Variants in RTN4RL1 observed in about 807,000 individuals in gnomAD.
RTN4RL1 encodes reticulon 4 receptor like 1.
In RTN4RL1, 7 loss-of-function variants were observed where a neutral mutation model predicts 25.6. The ratio of observed to expected loss-of-function variants is 0.27; its 90% CI spans 0.16 to 0.51. RTN4RL1 has a LOEUF of 0.51. Ranked by LOEUF, RTN4RL1 falls within the 20% of genes least tolerant of loss-of-function variation. RTN4RL1 has a pLI of 0.97. For synonymous variants in RTN4RL1, 297 were observed against 288.2 expected (o/e 1.03, Z -0.31); for missense variants, 500 against 615.6 (o/e 0.81, Z 1.99).
intron 1 of RTN4RL1, among the ~76,000 whole-genome samples, chr17:1,983,407 A>C (rs148698466): frequency 2.0e-5 from 3 of 152,316 alleles, no homozygotes; most frequent in African/African-American, 7.2e-5. Flanking sequence ...GCCAATTGAC[A>C]GTGATACTAA....
intron 1 of RTN4RL1, among the ~76,000 whole-genome samples, chr17:1,947,815 G>A (rs553214035): frequency 3.9e-5 from 6 of 152,352 alleles, no homozygotes; most frequent in Admixed American, 1.3e-4. Flanking sequence ...TACTGCCCAG[G>A]CTTGAGACCG....
intron 1 of RTN4RL1, among the ~76,000 whole-genome samples, chr17:1,990,980 T>G (rs1401684199): frequency 6.6e-6 from 1 of 152,100 alleles, no homozygotes; most frequent in Non-Finnish European, 1.5e-5. Context: ...AATGAGAGCA[T>G]CCAGGGAACG....
In RTN4RL1 at chr17:1,937,408, G is replaced by A. The variant is rs931560176; in HGVS notation, c.414C>T (p.Ser138=). Residue 138 remains serine (S), a synonymous_variant, in exon 2 of 2, where the codon AGC becomes AGT. Coordinates refer to ENST00000331238, the MANE Select transcript of RTN4RL1 (RefSeq NM_178568.4). ...HALYLYKCGL[S]ALPAGVFGGL... is the part of the protein sequence containing the mutation. ...CGCCAAAGACGCCGGCCGGCAAGGC[G>A]CTGAGCCCACACTTGTAGAGGTAGA... 4 of 1,613,614 alleles carry A rather than the reference G, an allele frequency of 2.5e-6. No homozygotes were observed. The highest frequency in any genetic ancestry group is 3.4e-6 in the Non-Finnish European group (4 of 1,179,880).
At chr17:1,984,980 A>T (rs1169549745) in intron 1 of RTN4RL1, among the ~76,000 whole-genome samples, 1 of 152,036 alleles carries the variant, frequency 6.6e-6, no homozygotes, top group African/African-American at 2.4e-5. Flanking sequence ...AAAAAAAAAG[A>T]AAAAAGAAAA....
At chr17:2,016,150 T>G (rs2067119845) in intron 1 of RTN4RL1, among the ~76,000 whole-genome samples, 1 of 151,814 alleles carries the variant, frequency 6.6e-6, no homozygotes, top group Admixed American at 6.6e-5. Context: ...GGAGGCCGAG[T>G]TGGGAGGATC....
chr17:1,991,578 T>C (rs1349634044), intron 1 of RTN4RL1, among the ~76,000 whole-genome samples: 1 of 152,030 alleles, frequency 6.6e-6, no homozygotes, highest in Non-Finnish European at 1.5e-5. Context: ...CTGTTAACAG[T>C]TTCTTTTGTG....
intron 1 of RTN4RL1, among the ~76,000 whole-genome samples, chr17:1,958,028 A>T (rs1405073107): frequency 6.6e-6 from 1 of 151,648 alleles, no homozygotes; most frequent in Non-Finnish European, 1.5e-5. Context: ...CTAAAAAAAT[A>T]AAAAATAAAA....
At chr17:1,958,314 G>A (rs2097903594) in intron 1 of RTN4RL1, among the ~76,000 whole-genome samples, 1 of 152,212 alleles carries the variant, frequency 6.6e-6, no homozygotes, top group South Asian at 2.1e-4. Context: ...AGAGGCCGCT[G>A]CTGCACAGAG....
In RTN4RL1 at chr17:2,015,404, G is replaced by A. The variant is rs943096271; in HGVS notation, c.13+9449C>T. 3.3e-5 allele frequency among the ~76,000 whole-genome samples: 5 copies of A among 152,202 alleles called. No homozygotes were observed. The South Asian group carries it at 8.3e-4, about 25-fold the overall frequency. On this transcript the variant is annotated intron_variant, in intron 1 of 1. Transcript: ENST00000331238. ...AGAGGCTGGAGACGGGATATCTGGG[G>A]AGTCAGTCAATGGCCGGCCACTGCA...
rs930877746 is a variant in RTN4RL1, at chr17:2,025,086, G to C, written c.-221C>G. On this transcript the variant is annotated 5_prime_UTR_variant, in exon 1 of 2. Transcript: ENST00000331238. This position sits in a 1 kb window ranked among gnomAD's most constrained non-coding sequence, Gnocchi z 4.8. ...CCGCAAGCAACCGTGGTGCTGCCCGGCAGCCCCGCGCGCTTGCTCAGCCCC... is the reference window on the plus strand; with the variant it reads ...CCGCAAGCAACCGTGGTGCTGCCCGCCAGCCCCGCGCGCTTGCTCAGCCCC... 3 of 396,246 alleles carry C rather than the reference G, an allele frequency of 7.6e-6. No homozygotes were observed. The Middle Eastern group carries it at 2.0e-3, about 263-fold the overall frequency. The allele number at this position is 396,246 out of a possible 1,614,324, so 24.5% of individuals were successfully genotyped here. A position where few individuals can be genotyped will look rare whatever the true frequency, so the allele number is the denominator to read the frequency against.
chr17:2,021,962 G>T (rs1323898677), intron 1 of RTN4RL1, among the ~76,000 whole-genome samples: 1 of 148,984 alleles, frequency 6.7e-6, no homozygotes, highest in African/African-American at 2.5e-5. Flanking sequence ...AGACTCAAGT[G>T]ATCCTCCCAC....
At chr17:1,948,537 C>CCGGACAGGCAGACAGG (rs1915606894) in intron 1 of RTN4RL1, among the ~76,000 whole-genome samples, 1 of 152,142 alleles carries the variant, frequency 6.6e-6, no homozygotes, top group Admixed American at 6.5e-5. Context: ...CCACCCACTG[C>CCGGACAGGCAGACAGG]CGGACAGGCA....
At chr17:1,950,199 T>C (rs1206197259) in intron 1 of RTN4RL1, among the ~76,000 whole-genome samples, 1 of 151,792 alleles carries the variant, frequency 6.6e-6, no homozygotes, top group Admixed American at 6.6e-5. Context: ...GTGAGAGACC[T>C]TGGGGGCCTG....
At chr17:2,007,872 G>A (rs2067011134) in intron 1 of RTN4RL1, among the ~76,000 whole-genome samples, 1 of 152,050 alleles carries the variant, frequency 6.6e-6, no homozygotes, top group Non-Finnish European at 1.5e-5. Context: ...CTTGACCCTG[G>A]AAGGAGGAGG....
rs9906007 is a variant in RTN4RL1, at chr17:1,998,145, G to A, written c.13+26708C>T. 9.1e-3 allele frequency among the ~76,000 whole-genome samples: 1,380 copies of A among 152,266 alleles called. 17 individuals are homozygous for A. The highest frequency in any genetic ancestry group is 0.031 in the African/African-American group (1,307 of 41,562). On this transcript the variant is annotated intron_variant, in intron 1 of 1. Transcript: ENST00000331238. This position sits in a 1 kb window ranked among gnomAD's most constrained non-coding sequence, Gnocchi z 4.9. ...GAGCCAGACGGCGGCGGAGGGGGCG[G>A]GGAGGCCTCCTTGGCTCCCTGGCCC...
chr17:2,005,769 C>T (rs1052685395), intron 1 of RTN4RL1, among the ~76,000 whole-genome samples: 15 of 150,122 alleles, frequency 1.0e-4, no homozygotes, highest in Admixed American at 9.9e-4. Flanking sequence ...CTCTCTCCTT[C>T]TCTTTCTTTT....
intron 1 of RTN4RL1, among the ~76,000 whole-genome samples, chr17:2,013,532 C>T (rs542065695): frequency 5.9e-5 from 9 of 152,164 alleles, no homozygotes; most frequent in East Asian, 1.9e-4. Flanking sequence ...AGCCAGTGAC[C>T]GGTGGGTGCT....
At chr17:1,939,132 C>A (rs1915380859) in intron 1 of RTN4RL1, among the ~76,000 whole-genome samples, 1 of 151,972 alleles carries the variant, frequency 6.6e-6, no homozygotes, top group Non-Finnish European at 1.5e-5. Flanking sequence ...GCGGGCGGAT[C>A]ACGAGGTCAG....
chr17:1,961,357 G>A (rs1367833593), intron 1 of RTN4RL1, among the ~76,000 whole-genome samples: 1 of 152,208 alleles, frequency 6.6e-6, no homozygotes, highest in Non-Finnish European at 1.5e-5. Context: ...CAGGCAGAAG[G>A]AACCGCATGG....
Sources: gnomAD v4.1 joint callset for allele counts (sites outside exome capture counted in the v4.1 genomes callset) on GRCh38, gnomAD v4.1.1 for gene constraint, Gnocchi (gnomAD v3.1) non-coding constraint, MANE v1.5 for transcripts, NCBI Gene and HGNC (gene_info 2026-07-23, HGNC 2026-07-21) for gene names.